The following CATSPERB variants were observed in gnomAD, a reference collection of about 807,000 sequenced individuals.
CATSPERB encodes cation channel sperm-associated auxiliary subunit beta.
A neutral mutation model predicts 128.3 loss-of-function variants in CATSPERB; 93 were observed. That is an observed-to-expected ratio of 0.72 (90% CI 0.61 to 0.86). The LOEUF (loss-of-function observed/expected upper bound fraction) is 0.86. Among genes scored for constraint, CATSPERB ranks in the 40% least tolerant of loss-of-function variants. CATSPERB has a pLI of 0.00. For synonymous variants in CATSPERB, 381 were observed against 448.8 expected, an observed-to-expected ratio of 0.85 and a Z score of 1.91; for missense variants, 1,153 against 1,329.5, an observed-to-expected ratio of 0.87 and a Z score of 2.06.
At chr14:91,620,810 T>C (rs1894028259) in intron 19 of CATSPERB, among the ~76,000 whole-genome samples, 2 of 152,188 alleles carry the variant, frequency 1.3e-5, no homozygotes, top group African/African-American at 4.8e-5. Flanking sequence ...TCAGTGCCTG[T>C]GTATATGTGG....
At chr14:91,666,512 C>T (rs1196924329) in intron 14 of CATSPERB, among the ~76,000 whole-genome samples, 1 of 152,160 alleles carries the variant, frequency 6.6e-6, no homozygotes, top group East Asian at 1.9e-4. Context: ...ACAGAGAGAG[C>T]AGGGATAGCT....
Position 91,672,877 on chromosome 14 carries a change from A to G in CATSPERB, c.1118T>C (p.Phe373Ser). The G allele has an allele frequency of 2.6e-6, 4 of 1,566,156 alleles. No individual in the cohort carries two copies. The highest frequency in any genetic ancestry group is 3.4e-6 in the Non-Finnish European group (4 of 1,167,884). Residue 373 changes from phenylalanine (F) to serine (S), a missense_variant, in exon 13 of 27, where the codon TTC becomes TCC. Coordinates refer to ENST00000256343, the MANE Select transcript of CATSPERB (RefSeq NM_024764.4). ...DQERGTGVYL[F>S]YNKVRKTAIA... Reference sequence around the variant, plus strand: ...GGATATAAGGCCTACCTTGTTATAGAAGAGGTAAACTCCAGTACCACGCTC... The same window carrying G: ...GGATATAAGGCCTACCTTGTTATAGGAGAGGTAAACTCCAGTACCACGCTC...
At chr14:91,607,624 C>A (rs916043332) in intron 22 of CATSPERB, among the ~76,000 whole-genome samples, 2 of 152,170 alleles carry the variant, frequency 1.3e-5, no homozygotes, top group African/African-American at 4.8e-5. Context: ...GGTTTTCACT[C>A]TGAATGAGAT....
chr14:91,613,850 C>T (rs540497121), intron 20 of CATSPERB, among the ~76,000 whole-genome samples: 5 of 152,158 alleles, frequency 3.3e-5, no homozygotes, highest in South Asian at 4.1e-4. Flanking sequence ...AATTTAAATG[C>T]TAATGAGAAA....
rs1380799929 is a variant in CATSPERB, at chr14:91,639,166, A to G, written c.1517T>C (p.Leu506Pro). 1.2e-6 allele frequency: 2 copies of G among 1,613,872 alleles called. No homozygotes were observed. Among genetic ancestry groups the G allele is most frequent in the Admixed American group, 3.3e-5 (2 of 59,974 alleles). ...YYDHLGFLHK[L>P]TLGRFEASGP... ...ACTAGCTTCAAAGCGACCCAGAGTC[A>G]GCTTATGTAGGAATCCCAAGTGATC... The change falls in exon 16 of 27, where the codon CTG becomes CCG. Residue 506 changes from leucine (L) to proline (P), a missense_variant. Leu to Pro is a moderately conservative substitution (Grantham distance 98). Coordinates refer to ENST00000256343, the MANE Select transcript of CATSPERB (RefSeq NM_024764.4).
At chr14:91,681,526 T>C (rs1364429950) in intron 11 of CATSPERB, among the ~76,000 whole-genome samples, 1 of 152,192 alleles carries the variant, frequency 6.6e-6, no homozygotes, top group Non-Finnish European at 1.5e-5. Context: ...TTGAACCCTT[T>C]TGAGATTGTT....
At chr14:91,702,810 T>A (rs895586894) in intron 7 of CATSPERB, among the ~76,000 whole-genome samples, 1 of 151,996 alleles carries the variant, frequency 6.6e-6, no homozygotes, top group Non-Finnish European at 1.5e-5. Flanking sequence ...ATCTTTATAA[T>A]ACCAGAACTT....
At chr14:91,591,358 A>G (rs1011372643) in intron 23 of CATSPERB, among the ~76,000 whole-genome samples, 2 of 152,086 alleles carry the variant, frequency 1.3e-5, no homozygotes, top group African/African-American at 2.4e-5. Context: ...CCCGGCCCCA[A>G]CTGCGTATTT....
At chr14:91,672,054 A>AC (rs1895103985) in intron 13 of CATSPERB, among the ~76,000 whole-genome samples, 5 of 151,168 alleles carry the variant, frequency 3.3e-5, no homozygotes, top group South Asian at 2.1e-4. Flanking sequence ...AACAACAACA[A>AC]AAAGATGGTA....
At chr14:91,630,103 G>A (rs1320575026) in intron 17 of CATSPERB, among the ~76,000 whole-genome samples, 1 of 152,118 alleles carries the variant, frequency 6.6e-6, no homozygotes, top group Non-Finnish European at 1.5e-5. Context: ...AAATTCAAAG[G>A]TCACATCTTT....
At chr14:91,679,294 C>T (rs977061617) in intron 11 of CATSPERB, among the ~76,000 whole-genome samples, 8 of 152,050 alleles carry the variant, frequency 5.3e-5, no homozygotes, top group Admixed American at 3.9e-4. Flanking sequence ...AATAAAAATA[C>T]TAGGTAATAT....
At chr14:91,632,417 T>TA (rs567803847) in intron 17 of CATSPERB, among the ~76,000 whole-genome samples, 69 of 151,964 alleles carry the variant, frequency 4.5e-4, no homozygotes, top group African/African-American at 1.5e-3. Context: ...TTAAAATGGT[T>TA]AAAAAAAGCA....
chr14:91,692,949 T>G (rs1276702450), intron 9 of CATSPERB, among the ~76,000 whole-genome samples, 177 bp downstream of exon 9: 1 of 152,238 alleles, frequency 6.6e-6, no homozygotes, highest in Non-Finnish European at 1.5e-5. Flanking sequence ...TTCCAAATTA[T>G]ATATTCAATA....
chr14:91,718,901 T>C (rs1175231777), intron 5 of CATSPERB, among the ~76,000 whole-genome samples: 4 of 152,200 alleles, frequency 2.6e-5, no homozygotes, highest in Admixed American at 6.5e-5. Flanking sequence ...TGGGAATGTG[T>C]CTCATGCCTA....
intron 17 of CATSPERB, among the ~76,000 whole-genome samples, chr14:91,629,042 A>T (rs1894221540): frequency 6.6e-6 from 1 of 152,256 alleles, no homozygotes; most frequent in Admixed American, 6.5e-5. Flanking sequence ...TCGAAAACTT[A>T]TATCTATACA....
chr14:91,713,863 T>C (rs886222071), intron 5 of CATSPERB, among the ~76,000 whole-genome samples: 1 of 152,036 alleles, frequency 6.6e-6, no homozygotes, highest in African/African-American at 2.4e-5. Context: ...AATAAAGACA[T>C]TCCAAGAAAA....
chr14:91,594,796 T>C (rs1334357700), intron 22 of CATSPERB, among the ~76,000 whole-genome samples: 3 of 152,166 alleles, frequency 2.0e-5, no homozygotes, highest in Admixed American at 2.0e-4. Context: ...ATAGGCCACA[T>C]TACTCTGAAG....
rs551024928 is a variant in CATSPERB, at chr14:91,649,492, T to G, written c.1433-10242A>C. Among the ~76,000 whole-genome samples, 8 of 139,708 alleles carry G rather than the reference T, an allele frequency of 5.7e-5. No individual in the cohort carries two copies. In the South Asian group the frequency reaches 1.8e-3, roughly 32 times the overall value. 91.7% of individuals were successfully genotyped at this position (139,708 alleles called of 152,430 possible). A position where few individuals can be genotyped will look rare whatever the true frequency, so the allele number is the denominator to read the frequency against. On this transcript the variant is annotated intron_variant, in intron 15 of 26. Transcript: ENST00000256343. The stretch of plus-strand genomic sequence containing the variant: ...CTTCTTTTGCTTTTTAAGACTTGTA[T>G]TGTACACACTTTTTTTTTTTTTTGA...
chr14:91,661,480 T>G (rs1846552100), intron 14 of CATSPERB, among the ~76,000 whole-genome samples: 1 of 147,758 alleles, frequency 6.8e-6, no homozygotes, highest in South Asian at 2.1e-4. Context: ...AGTGTTATCT[T>G]TAAAGAAAAT....
Sources: gnomAD v4.1 joint callset for allele counts (sites outside exome capture counted in the v4.1 genomes callset) on GRCh38, gnomAD v4.1.1 for gene constraint, MANE v1.5 for transcripts, NCBI Gene and HGNC (gene_info 2026-07-23, HGNC 2026-07-21) for gene names.